Variants in ZFP64 observed in about 807,000 individuals in gnomAD.
ZFP64 encodes the protein zinc finger protein 64.
ZFP64 carries 14 observed loss-of-function variants against 51.6 expected under a neutral mutation model. That is an observed-to-expected ratio of 0.27 (90% CI 0.18 to 0.42). The LOEUF is 0.42. ZFP64 is among the 10% of genes least tolerant of loss of function. The pLI is 1.00. For missense variants in ZFP64, 754 were observed against 906.8 expected (o/e 0.83, Z 2.16); for synonymous variants, 375 against 361.4 (o/e 1.04, Z -0.43).
At chr20:52,180,123 G>A (rs537853705) in intron 2 of ZFP64, among the ~76,000 whole-genome samples, 14 of 152,308 alleles carry the variant, frequency 9.2e-5, no homozygotes, top group African/African-American at 3.4e-4. Flanking sequence ...AACTGTGTAT[G>A]TTCAACAGTA....
intron 2 of ZFP64, among the ~76,000 whole-genome samples, chr20:52,186,624 C>A (rs756664042): frequency 6.6e-6 from 1 of 151,416 alleles, no homozygotes; most frequent in Non-Finnish European, 1.5e-5. Context: ...AACGTGACAA[C>A]ATTTATAACT....
chr20:52,180,301 T>C (rs1983521769), intron 2 of ZFP64, among the ~76,000 whole-genome samples: 1 of 152,238 alleles, frequency 6.6e-6, no homozygotes, highest in South Asian at 2.1e-4. Flanking sequence ...ACCCTTGGAA[T>C]CGCATTGGAA....
rs760302685 is a variant in ZFP64 at position 52,187,069 on chromosome 20, G to C, written c.49C>G (p.Pro17Ala). 1.2e-6 allele frequency: 2 copies of C among 1,604,488 alleles called. No homozygotes were observed. Among genetic ancestry groups the C allele is most frequent in the Non-Finnish European group, 1.7e-6 (2 of 1,172,174 alleles). The change falls in exon 2 of 6, where the codon CCA becomes GCA. Residue 17 changes from proline to alanine, a missense_variant and splice_region_variant. Physicochemically the swap from Pro to Ala is conservative, Grantham distance 27 (BLOSUM62 -1). This residue lies in a region of ZFP64 where 95 missense variants were observed against 97.7 expected (regional missense o/e 0.97). Transcript: ENST00000216923. ...TCCACCAGCACCGTTGTGCCACCTG[G>C]AACTCCATGGGACAAAGGGAAAGTA... ...GESFAGSVQIPGGTTVLVELT... is the reference protein window; with the variant it reads ...GESFAGSVQIAGGTTVLVELT...
chr20:52,129,625 A>T (rs1484074169), intron 5 of ZFP64, among the ~76,000 whole-genome samples: 1 of 151,960 alleles, frequency 6.6e-6, no homozygotes, highest in Non-Finnish European at 1.5e-5. Flanking sequence ...TAGCATTTTG[A>T]CTCAGCTCAG....
chr20:52,175,843 T>TCCCC, intron 2 of ZFP64: 2 of 177,392 alleles, frequency 1.1e-5, no homozygotes, highest in Non-Finnish European at 2.2e-5. Flanking sequence ...TCCGTTCCCT[T>TCCCC]CCCCCCGCAC....
At chr20:52,124,765 T>C (rs1979368758) in intron 5 of ZFP64, among the ~76,000 whole-genome samples, 1 of 136,970 alleles carries the variant, frequency 7.3e-6, no homozygotes, top group Admixed American at 8.0e-5. Flanking sequence ...TCTGGCTAAT[T>C]TTTGTATTTT....
At chr20:52,185,845 T>A (rs1983926066) in intron 2 of ZFP64, among the ~76,000 whole-genome samples, 2 of 152,080 alleles carry the variant, frequency 1.3e-5, no homozygotes, top group Non-Finnish European at 2.9e-5. Flanking sequence ...CCTCCCAAAG[T>A]GCTGGGATTA....
chr20:52,110,792 T>A, intron 5 of ZFP64: 1 of 1,595,164 alleles, frequency 6.3e-7, no homozygotes, highest in Non-Finnish European at 8.6e-7. Flanking sequence ...ACTGGGTAGC[T>A]CTCTTTGAGC....
intron 2 of ZFP64, among the ~76,000 whole-genome samples, chr20:52,169,713 T>C (rs1982560738): frequency 6.6e-6 from 1 of 152,214 alleles, no homozygotes; most frequent in Admixed American, 6.5e-5. Context: ...CCATAGGCTG[T>C]ATTTTCATTT....
chr20:52,169,327 A>T (rs1187672714), intron 2 of ZFP64, among the ~76,000 whole-genome samples: 1 of 152,208 alleles, frequency 6.6e-6, no homozygotes, highest in Non-Finnish European at 1.5e-5. Context: ...TTTGCCTTGT[A>T]GTGGAGTTTC....
At chr20:52,139,685 T>C (rs1223361218) in intron 5 of ZFP64, among the ~76,000 whole-genome samples, 4 of 151,668 alleles carry the variant, frequency 2.6e-5, no homozygotes, top group East Asian at 1.9e-4. Context: ...ATAAAGAAAA[T>C]GGCATAATGA....
chr20:52,134,821 T>C (rs1979892623), intron 5 of ZFP64, among the ~76,000 whole-genome samples: 1 of 152,188 alleles, frequency 6.6e-6, no homozygotes, highest in East Asian at 1.9e-4. Flanking sequence ...CACTTTTTTT[T>C]GTATGGTCTG....
At chr20:52,182,110 C>G (rs918981522) in intron 2 of ZFP64, among the ~76,000 whole-genome samples, 2 of 152,198 alleles carry the variant, frequency 1.3e-5, no homozygotes, top group Non-Finnish European at 2.9e-5. Context: ...TCGCAGAATT[C>G]TCACAATAAC....
rs1260367502 is a variant in ZFP64 at position 52,164,697 on chromosome 20, G to A, written c.509C>T (p.Thr170Met). The A allele has an allele frequency of 1.2e-5, 19 of 1,613,348 alleles. No homozygotes were observed. The highest frequency in any genetic ancestry group is 1.2e-4 in the Admixed American group (7 of 59,970). The change falls in exon 4 of 6, where the codon ACG (threonine) becomes ATG (methionine). Residue 170 changes from threonine (T) to methionine (M), a missense_variant and splice_region_variant. Thr to Met is a moderately conservative substitution (Grantham distance 81). This residue lies in a region of ZFP64 where 231 missense variants were observed against 336.7 expected (regional missense o/e 0.69). Transcript: ENST00000216923. The part of the protein sequence containing the change: ...KDMERHLKIH[T>M]GDKPHKCEVC... ...TGCGCTAAAGAAATGCTACTTACCC[G>A]TGTGAATTTTTAAATGCCGCTCCAT...
At chr20:52,146,418 T>C (rs568552662), downstream of ZFP64, among the ~76,000 whole-genome samples, 7 of 151,970 alleles carry the variant, frequency 4.6e-5, no homozygotes, top group South Asian at 1.2e-3. Context: ...GATGAGTTCA[T>C]GTCCTTTGTA....
rs1232840435 is a variant in ZFP64 at position 52,085,979 on chromosome 20, C to A, written c.1229-713G>T. Among the ~76,000 whole-genome samples, 1 of 152,170 alleles carries A rather than the reference C, an allele frequency of 6.6e-6. No homozygotes were observed. The highest frequency in any genetic ancestry group is 1.5e-5 in the Non-Finnish European group (1 of 68,030). ...CACCCATCCTTTCCCTAACCTCTCC[C>A]CTGCATTCTGGTGGTTGTGACTTTT... is the stretch of plus-strand genomic sequence containing the variant. On this transcript the variant is annotated intron_variant, in intron 8 of 8. Coordinates refer to the ZFP64 transcript ENST00000361387. This position sits in a 1 kb window ranked among gnomAD's most constrained non-coding sequence, Gnocchi z 4.3.
intron 5 of ZFP64, among the ~76,000 whole-genome samples, chr20:52,099,959 TAAATC>T (rs1041007751): frequency 1.1e-4 from 17 of 152,262 alleles, no homozygotes; most frequent in African/African-American, 4.1e-4. Context: ...AAAATAGACT[TAAATC>T]TAAAAGGAAA....
downstream of ZFP64, chr20:52,151,168 G>A (rs117380752): frequency 4.0e-3 from 3,565 of 896,254 alleles, 204 homozygotes; most frequent in East Asian, 0.18. Context: ...ATTGTGTGAC[G>A]TTTATGAAAG....
chr20:52,097,030 G>A, intron 7 of ZFP64: 1 of 637,090 alleles, frequency 1.6e-6, no homozygotes. Flanking sequence ...TTGCCCATGG[G>A]CTGCAGTTTG....
Sources: gnomAD v4.1 joint callset for allele counts (sites outside exome capture counted in the v4.1 genomes callset) on GRCh38, gnomAD v4.1.1 for gene constraint, gnomAD v4.1.1 regional missense constraint, Gnocchi (gnomAD v3.1) non-coding constraint, MANE v1.5 for transcripts, NCBI Gene and HGNC (gene_info 2026-07-23, HGNC 2026-07-21) for gene names.